The following TRAK1 variants were observed in gnomAD, a reference collection of about 807,000 sequenced individuals.
The protein encoded by TRAK1 is trafficking kinesin-binding protein 1.
A neutral mutation model predicts 92.1 loss-of-function variants in TRAK1; 33 were observed. The observed-to-expected ratio is 0.36, with a 90% CI of 0.27 to 0.48. The LOEUF (loss-of-function observed/expected upper bound fraction) is 0.48, where lower values mean the gene tolerates loss of function less well. Among genes scored for constraint, TRAK1 ranks in the 20% least tolerant of loss-of-function variants. The pLI is 0.99. For missense variants in TRAK1, 1,123 were observed against 1,257.9 expected, an observed-to-expected ratio of 0.89 and a Z score of 1.62; for synonymous variants, 521 against 517.3, an observed-to-expected ratio of 1.01 and a Z score of -0.10.
At chr3:42,104,740 G>A (rs1205747240) in intron 1 of TRAK1, among the ~76,000 whole-genome samples, 1 of 152,102 alleles carries the variant, frequency 6.6e-6, no homozygotes, top group Non-Finnish European at 1.5e-5. Flanking sequence ...ACAAAGATGG[G>A]GAGAAACCAG....
chr3:42,074,268 A>C (rs1394840378), intron 1 of TRAK1, among the ~76,000 whole-genome samples: 1 of 152,218 alleles, frequency 6.6e-6, no homozygotes, highest in Non-Finnish European at 1.5e-5. Context: ...AGGGTCATGC[A>C]TGTTAATTAC....
chr3:42,083,223 A>T (rs1245724201), upstream of TRAK1, among the ~76,000 whole-genome samples: 1 of 152,146 alleles, frequency 6.6e-6, no homozygotes, highest in Non-Finnish European at 1.5e-5. Context: ...AAGTTTCCTT[A>T]AACTGGGTGT....
chr3:42,166,069 C>T (rs1201357801), intron 2 of TRAK1, among the ~76,000 whole-genome samples: 4 of 152,108 alleles, frequency 2.6e-5, no homozygotes, highest in Admixed American at 1.3e-4. Flanking sequence ...TTCCTGCTTG[C>T]TCCTCTGTGT....
intron 1 of TRAK1, among the ~76,000 whole-genome samples, chr3:42,031,663 G>A (rs1702153309): frequency 6.6e-6 from 1 of 152,030 alleles, no homozygotes; most frequent in African/African-American, 2.4e-5. Flanking sequence ...TTCTTCAGGT[G>A]ATTTGATAGT....
At position 42,193,914 on chromosome 3, in the gene TRAK1, T is replaced by G. The variant is rs1455908435; in HGVS notation, c.975+16T>G. Reference sequence around the variant, plus strand: ...CACAGCCGAGGTGAGCACCTCTCCCTCATTCCTTCAGTGCCTCTGATTGCA... The same window carrying G: ...CACAGCCGAGGTGAGCACCTCTCCCGCATTCCTTCAGTGCCTCTGATTGCA... On this transcript the variant is annotated intron_variant, in intron 9 of 15. Transcript: ENST00000327628. 6.2e-7 allele frequency: 1 copy of G among 1,612,016 alleles called. No individual in the cohort carries two copies. The highest frequency in any genetic ancestry group is 8.5e-7 in the Non-Finnish European group (1 of 1,178,922).
intron 1 of TRAK1, among the ~76,000 whole-genome samples, chr3:42,024,585 A>AT (rs1176662654): frequency 6.6e-6 from 1 of 152,260 alleles, no homozygotes; most frequent in Non-Finnish European, 1.5e-5. Context: ...TTAACAAGAT[A>AT]TAAAGCACCA....
At chr3:42,086,249 A>G (rs1303794986), upstream of TRAK1, among the ~76,000 whole-genome samples, 1 of 151,644 alleles carries the variant, frequency 6.6e-6, no homozygotes, top group African/African-American at 2.4e-5. Context: ...GTTATCTTTC[A>G]TCCTAGTCAG....
At chr3:42,041,193 T>A (rs1277352689) in intron 1 of TRAK1, among the ~76,000 whole-genome samples, 2 of 151,618 alleles carry the variant, frequency 1.3e-5, no homozygotes, top group Non-Finnish European at 2.9e-5. Context: ...AATCTGTAGA[T>A]CAATTTCAGG....
chr3:42,216,593 G>T (rs997676211), intron 14 of TRAK1, among the ~76,000 whole-genome samples: 1 of 152,182 alleles, frequency 6.6e-6, no homozygotes, highest in Non-Finnish European at 1.5e-5. Context: ...CAAAACATCT[G>T]CACGACAGCT....
chr3:42,121,299 C>A (rs573300476), intron 1 of TRAK1, among the ~76,000 whole-genome samples: 1 of 149,066 alleles, frequency 6.7e-6, no homozygotes, highest in Non-Finnish European at 1.5e-5. Context: ...TTGCTGTGTC[C>A]CCCAGGCTGG....
At chr3:42,124,682 A>G (rs1309277087) in intron 1 of TRAK1, among the ~76,000 whole-genome samples, 1 of 152,226 alleles carries the variant, frequency 6.6e-6, no homozygotes, top group Admixed American at 6.5e-5. Context: ...TCAGACACTG[A>G]AATACCCACA....
intron 2 of TRAK1, among the ~76,000 whole-genome samples, chr3:42,163,177 T>C (rs1261831108): frequency 2.0e-5 from 3 of 152,218 alleles, no homozygotes; most frequent in African/African-American, 7.2e-5. Context: ...CTATTTAGAA[T>C]GGCTGTAGAA....
chr3:42,018,432 C>T (rs1231547341), intron 1 of TRAK1, among the ~76,000 whole-genome samples: 1 of 152,140 alleles, frequency 6.6e-6, no homozygotes, highest in Non-Finnish European at 1.5e-5. Context: ...CCAGGACATT[C>T]AACAGGAGAG....
intron 1 of TRAK1, among the ~76,000 whole-genome samples, chr3:42,053,089 C>A (rs1225503550): frequency 3.3e-5 from 5 of 152,112 alleles, no homozygotes; most frequent in African/African-American, 1.2e-4. Context: ...CTAAAGCTGT[C>A]TGATTCTTTC....
At chr3:42,217,218 C>T in intron 14 of TRAK1, 1 of 984,592 alleles carries the variant, frequency 1.0e-6, no homozygotes, top group African/African-American at 1.7e-5. Flanking sequence ...TTGGGTGACT[C>T]ACTGTCTCTC....
intron 2 of TRAK1, 102 bp downstream of exon 2, chr3:42,125,716 T>C: frequency 7.6e-7 from 1 of 1,317,430 alleles, no homozygotes; most frequent in Non-Finnish European, 1.0e-6. Context: ...GTGATGTGGC[T>C]TGCCACCTCT....
upstream of TRAK1, among the ~76,000 whole-genome samples, chr3:42,090,919 G>A (rs1299838341): frequency 6.6e-6 from 1 of 152,048 alleles, no homozygotes; most frequent in African/African-American, 2.4e-5. Context: ...GAACATGCTC[G>A]GATTAAAGTT....
intron 1 of TRAK1, among the ~76,000 whole-genome samples, chr3:42,048,918 C>T (rs1019441694): frequency 2.0e-5 from 3 of 152,270 alleles, no homozygotes; most frequent in East Asian, 3.9e-4. Flanking sequence ...TTATTTTTAT[C>T]TTCTGAGACA....
intron 10 of TRAK1, among the ~76,000 whole-genome samples, chr3:42,197,151 G>C (rs753535951): frequency 3.9e-5 from 6 of 151,964 alleles, no homozygotes; most frequent in Non-Finnish European, 7.4e-5. Context: ...GAGGGGAGAG[G>C]GTCATGGCCA....
Sources: allele counts gnomAD v4.1 joint callset (sites outside exome capture counted in the v4.1 genomes callset), GRCh38; gene constraint gnomAD v4.1.1; transcripts MANE v1.5; gene names NCBI Gene and HGNC (gene_info 2026-07-23, HGNC 2026-07-21).